The following TCF4 variants were observed in gnomAD, a reference collection of about 807,000 sequenced individuals.
The protein encoded by TCF4 is SL3-3 enhancer factor 2.
A neutral mutation model predicts 82.1 loss-of-function variants in TCF4; 3 were observed. That is an observed-to-expected ratio of 0.04 (90% CI 0.02 to 0.09). TCF4 has a LOEUF of 0.09. TCF4 is among the 10% of genes least tolerant of loss of function. TCF4 has a pLI of 1.00. For synonymous variants in TCF4, 276 were observed against 309.6 expected, an observed-to-expected ratio of 0.89 and a Z score of 1.14; for missense variants, 518 against 852.7, an observed-to-expected ratio of 0.61 and a Z score of 4.89.
chr18:55,574,866 T>C (rs2097513212), intron 3 of TCF4, among the ~76,000 whole-genome samples: 1 of 151,364 alleles, frequency 6.6e-6, no homozygotes, highest in African/African-American at 2.4e-5. Context: ...AAATTAAAGG[T>C]AATAATTCCT....
rs528287712 is a variant in TCF4 at position 55,452,075 on chromosome 18, C to G, written c.304+8944G>C. 3.9e-5 allele frequency among the ~76,000 whole-genome samples: 6 copies of G among 152,112 alleles called. No individual in the cohort carries two copies. In the East Asian group the frequency reaches 1.2e-3, roughly 29 times the overall value. Reference sequence around the variant, plus strand: ...GTAAAAACCTAGAGAAAAACTTTTTCTACTAAATAAAAGCAGCACTGTTTA... The same window carrying G: ...GTAAAAACCTAGAGAAAAACTTTTTGTACTAAATAAAAGCAGCACTGTTTA... On this transcript the variant is annotated intron_variant, in intron 5 of 19. Coordinates refer to ENST00000354452, the MANE Select transcript of TCF4 (RefSeq NM_001083962.2).
chr18:55,345,612 A>T (rs1167371784), intron 8 of TCF4, among the ~76,000 whole-genome samples: 3 of 152,170 alleles, frequency 2.0e-5, no homozygotes, highest in Non-Finnish European at 1.5e-5. Context: ...AGCTATCTTA[A>T]TATTTTAAAC....
intron 2 of TCF4, among the ~76,000 whole-genome samples, chr18:55,609,070 C>T (rs1358279365): frequency 2.0e-5 from 3 of 152,170 alleles, no homozygotes; most frequent in Non-Finnish European, 4.4e-5. Flanking sequence ...GAGAAGACAG[C>T]CACCTGCAAA....
intron 6 of TCF4, among the ~76,000 whole-genome samples, chr18:55,360,530 A>C (rs1033436189): frequency 6.6e-6 from 1 of 152,190 alleles, no homozygotes; most frequent in Non-Finnish European, 1.5e-5. Flanking sequence ...ATTTTTCTTG[A>C]AGGACCAGAT....
intron 3 of TCF4, among the ~76,000 whole-genome samples, chr18:55,538,954 T>C (rs954523998): frequency 6.6e-6 from 1 of 151,840 alleles, no homozygotes; most frequent in Non-Finnish European, 1.5e-5. Flanking sequence ...ATCTTAGAAA[T>C]GAGAGGGGAT....
At chr18:55,407,452 A>G (rs2094147176) in intron 5 of TCF4, among the ~76,000 whole-genome samples, 1 of 152,182 alleles carries the variant, frequency 6.6e-6, no homozygotes, top group African/African-American at 2.4e-5. Context: ...CGTCTACAGA[A>G]CAAGTCGGCA....
intron 2 of TCF4, among the ~76,000 whole-genome samples, chr18:55,625,116 G>A (rs1214951137): frequency 3.3e-5 from 5 of 152,024 alleles, no homozygotes; most frequent in African/African-American, 1.2e-4. Context: ...TTTGAAAGTT[G>A]AGGAATTTTC....
chr18:55,461,374 T>C (rs1446841006), intron 4 of TCF4, among the ~76,000 whole-genome samples: 1 of 152,090 alleles, frequency 6.6e-6, no homozygotes, highest in Non-Finnish European at 1.5e-5. Flanking sequence ...CTGCATGGAG[T>C]TGTTGACATG....
At chr18:55,616,335 G>A (rs1378989593) in intron 2 of TCF4, among the ~76,000 whole-genome samples, 1 of 152,050 alleles carries the variant, frequency 6.6e-6, no homozygotes, top group East Asian at 1.9e-4. Flanking sequence ...ATTCCATGGT[G>A]TATATGCCAC....
intron 15 of TCF4, among the ~76,000 whole-genome samples, chr18:55,241,760 C>T (rs1312472484): frequency 6.6e-6 from 1 of 152,212 alleles, no homozygotes; most frequent in Non-Finnish European, 1.5e-5. Context: ...TATAAAGAAG[C>T]TCACCTAAAC....
intron 6 of TCF4, among the ~76,000 whole-genome samples, chr18:55,375,031 G>A (rs2090391462): frequency 1.3e-5 from 2 of 151,696 alleles, no homozygotes; most frequent in Admixed American, 6.6e-5. Context: ...AGGCAAAGCA[G>A]CACACAAAAA....
At position 55,241,265 on chromosome 18, in the gene TCF4, C is replaced by T. The variant is rs779216972; in HGVS notation, c.1351-6582G>A. Among the ~76,000 whole-genome samples, 10 of 152,194 alleles carry T rather than the reference C, an allele frequency of 6.6e-5. No homozygotes were observed. In the South Asian group the frequency reaches 1.9e-3, roughly 28 times the overall value. Reference sequence around the variant, plus strand: ...ACTGTTTCATTTCTCTCTTCTGTGTCCCACACCCTCAATTCTCGACATCAT... The same window carrying T: ...ACTGTTTCATTTCTCTCTTCTGTGTTCCACACCCTCAATTCTCGACATCAT... On this transcript the variant is annotated intron_variant, in intron 15 of 19. Coordinates refer to ENST00000354452, the MANE Select transcript of TCF4 (RefSeq NM_001083962.2).
Position 55,324,548 on chromosome 18 carries a change from C to T in TCF4, c.549+25811G>A, listed in dbSNP as rs536861305. 2.0e-5 allele frequency among the ~76,000 whole-genome samples: 3 copies of T among 152,288 alleles called. No individual in the cohort carries two copies. In the East Asian group the frequency reaches 5.8e-4, roughly 29 times the overall value. ...AGAATAATTTTAAAGAAGTCTTAAT[C>T]TTAAGCAGCCAATTTTTACAGGACC... On this transcript the variant is annotated intron_variant, in intron 8 of 19. Coordinates refer to ENST00000354452, the MANE Select transcript of TCF4 (RefSeq NM_001083962.2).
At chr18:55,308,039 G>A (rs951304666) in intron 8 of TCF4, among the ~76,000 whole-genome samples, 6 of 152,280 alleles carry the variant, frequency 3.9e-5, no homozygotes, top group African/African-American at 1.4e-4. Context: ...GAATGAACAT[G>A]GTCTTCAGCA....
chr18:55,259,278 G>T (rs1010002411), intron 13 of TCF4, among the ~76,000 whole-genome samples: 5 of 152,028 alleles, frequency 3.3e-5, no homozygotes, highest in Non-Finnish European at 5.9e-5. Context: ...AACCAAGGAA[G>T]GCTTTCTGGA....
chr18:55,354,496 A>C (rs1043827521), intron 6 of TCF4, among the ~76,000 whole-genome samples: 2 of 152,152 alleles, frequency 1.3e-5, no homozygotes, highest in Non-Finnish European at 1.5e-5. Flanking sequence ...GCAAACCATG[A>C]ATTAAACTTG....
rs76865700 is a variant in TCF4, at chr18:55,418,378, A to G, written c.305-14860T>C. Among the ~76,000 whole-genome samples the G allele has an allele frequency of 2.4e-4, 36 of 152,286 alleles. No homozygotes were observed. The East Asian group carries it at 6.2e-3, about 26-fold the overall frequency. On this transcript the variant is annotated intron_variant, in intron 5 of 19. Transcript: ENST00000354452. ...GTGGTCTTAAACTTATCATTTGTTAATAATCTAATGTAACATTATATTTGC... is the reference window on the plus strand; with the variant it reads ...GTGGTCTTAAACTTATCATTTGTTAGTAATCTAATGTAACATTATATTTGC...
At chr18:55,511,353 A>G (rs2096827561) in intron 3 of TCF4, among the ~76,000 whole-genome samples, 1 of 139,536 alleles carries the variant, frequency 7.2e-6, no homozygotes, top group Non-Finnish European at 1.6e-5. Flanking sequence ...AAAAAAAAGC[A>G]TTCTCTGCTG....
intron 8 of TCF4, chr18:55,322,105 C>T (rs5007459): frequency 0.015 from 12,388 of 850,296 alleles, 14 homozygotes; most frequent in East Asian, 0.029. Flanking sequence ...TTTTTTTTTC[C>T]TTTTTTTTTT....
Sources: allele counts gnomAD v4.1 joint callset (sites outside exome capture counted in the v4.1 genomes callset), GRCh38; gene constraint gnomAD v4.1.1; transcripts MANE v1.5; gene names NCBI Gene and HGNC (gene_info 2026-07-23, HGNC 2026-07-21).